OTOGL: variants seen among roughly 807,000 people sequenced by gnomAD.
OTOGL encodes otogelin like.
A neutral mutation model predicts 318.5 loss-of-function variants in OTOGL; 285 were observed. The ratio of observed to expected loss-of-function variants is 0.89; its 90% CI spans 0.81 to 0.99. The LOEUF (loss-of-function observed/expected upper bound fraction) is 0.99, where lower values mean the gene tolerates loss of function less well. OTOGL is among the 50% of genes least tolerant of loss of function. The probability of loss-of-function intolerance (pLI) is 0.00; values close to 1 mark genes in which losing one functional copy is unlikely to be tolerated. For missense variants in OTOGL, 2,899 were observed against 2,845.6 expected (o/e 1.02, Z -0.43); for synonymous variants, 987 against 936.5 (o/e 1.05, Z -0.99).
At chr12:80,371,095 A>T (rs1435756744) in intron 56 of OTOGL, among the ~76,000 whole-genome samples, 1 of 152,074 alleles carries the variant, frequency 6.6e-6, no homozygotes, top group African/African-American at 2.4e-5. Flanking sequence ...TGTTTGCCCT[A>T]GCTTTTCTGG....
intron 1 of OTOGL, among the ~76,000 whole-genome samples, chr12:80,149,625 A>T (rs1297309752): frequency 1.3e-5 from 2 of 151,942 alleles, no homozygotes; most frequent in Non-Finnish European, 2.9e-5. Context: ...TGCTTTGTTT[A>T]CCTAAGCAAG....
At chr12:80,324,367 G>A (rs750287765) in intron 35 of OTOGL, among the ~76,000 whole-genome samples, 3 of 152,098 alleles carry the variant, frequency 2.0e-5, no homozygotes, top group Admixed American at 6.5e-5. Context: ...TCTTGGAGTG[G>A]GAATGTGTTT....
chr12:80,336,042 T>C lies in OTOGL; in HGVS notation c.4502T>C (p.Leu1501Pro). Residue 1501 changes from leucine to proline, a missense_variant, in exon 39 of 59, where the codon CTT (leucine) becomes CCT (proline). Coordinates refer to ENST00000547103, the MANE Select transcript of OTOGL (RefSeq NM_001378609.3). ...NMEWQLYNWS[L>P]NCPKDVEMPD... is the part of the protein sequence containing the mutation. Reference sequence around the variant, plus strand: ...GAATGGCAGTTATACAACTGGTCCCTTAATTGCCCAAAGGACGTGGAAATG... The same window carrying C: ...GAATGGCAGTTATACAACTGGTCCCCTAATTGCCCAAAGGACGTGGAAATG... The C allele has an allele frequency of 1.3e-6, 2 of 1,598,828 alleles. No individual in the cohort carries two copies. Among genetic ancestry groups the C allele is most frequent in the South Asian group, 2.2e-5 (2 of 91,048 alleles).
At chr12:80,111,680 G>A (rs745552832) in intron 1 of OTOGL, among the ~76,000 whole-genome samples, 1 of 152,098 alleles carries the variant, frequency 6.6e-6, no homozygotes, top group East Asian at 1.9e-4. Flanking sequence ...GTCAGGTAGC[G>A]TGATGCCTCC....
chr12:80,265,211 G>A lies in OTOGL; in HGVS notation c.2224+1G>A. ...TTCAGAACTCAGATTTCTTTCTGTG[G>A]TGAGTACAATGGCACAGATAAAGAC... On this transcript the variant is annotated splice_donor_variant, in intron 20 of 58. Transcript: ENST00000547103. LOFTEE classifies it high-confidence loss of function. 3 of 1,611,352 alleles carry A rather than the reference G, an allele frequency of 1.9e-6. No individual in the cohort carries two copies. The highest frequency in any genetic ancestry group is 2.5e-6 in the Non-Finnish European group (3 of 1,178,100).
At chr12:80,126,780 T>C (rs1870871586) in intron 1 of OTOGL, among the ~76,000 whole-genome samples, 1 of 152,208 alleles carries the variant, frequency 6.6e-6, no homozygotes, top group Non-Finnish European at 1.5e-5. Context: ...AATTGATCCC[T>C]TTACCATTAT....
intron 1 of OTOGL, among the ~76,000 whole-genome samples, chr12:80,117,284 G>A (rs549130890): frequency 6.6e-6 from 1 of 152,098 alleles, no homozygotes; most frequent in African/African-American, 2.4e-5. Context: ...TATATAAAAT[G>A]GAACTCATCG....
chr12:80,329,697 T>A (rs999030209), intron 37 of OTOGL, among the ~76,000 whole-genome samples: 1 of 152,204 alleles, frequency 6.6e-6, no homozygotes, highest in African/African-American at 2.4e-5. Context: ...CCACTCACAG[T>A]GAGGCTCAAC....
chr12:80,250,617 C>A (rs530332047), intron 11 of OTOGL, among the ~76,000 whole-genome samples: 3 of 152,084 alleles, frequency 2.0e-5, no homozygotes, highest in African/African-American at 7.3e-5. Context: ...AGTTTATATG[C>A]TCAGTCCTTT....
intron 1 of OTOGL, among the ~76,000 whole-genome samples, chr12:80,206,010 T>C (rs75428495): frequency 7.4e-4 from 112 of 152,320 alleles, no homozygotes; most frequent in African/African-American, 2.6e-3. Flanking sequence ...TGTGCAGTGC[T>C]TTTGTAGCAG....
chr12:80,189,056 T>C (rs1875497884), intron 1 of OTOGL, among the ~76,000 whole-genome samples: 1 of 152,160 alleles, frequency 6.6e-6, no homozygotes, highest in Non-Finnish European at 1.5e-5. Flanking sequence ...TTTGTGTGAG[T>C]GCATAGGGAG....
intron 34 of OTOGL, 97 bp from the exon 35 acceptor site, chr12:80,323,626 G>A: frequency 1.1e-6 from 1 of 928,604 alleles, no homozygotes; most frequent in Non-Finnish European, 1.7e-6. Flanking sequence ...TCGAGCCTGA[G>A]TGACAGAGCG....
Position 80,222,109 on chromosome 12 carries a change from G to A in OTOGL, c.353G>A (p.Gly118Asp), listed in dbSNP as rs1878399364. ...TTTTCAGTCCCAAACATGGGCAACG[G>A]CAGAGATGGGATTTGTAAAACCTGG... ...RCQIIPNMGN[G>D]RDGICKTWGQ... Residue 118 changes from glycine to aspartate, a missense_variant, in exon 7 of 59, where the codon GGC (glycine) becomes GAC (aspartate). By Grantham distance (94) the Gly-to-Asp change is moderately conservative. Around this residue, in one of 3 missense-constraint regions of OTOGL, gnomAD observed 2,607 missense variants for 2,524.9 expected, o/e 1.03. Coordinates refer to ENST00000547103, the MANE Select transcript of OTOGL (RefSeq NM_001378609.3). 1.3e-6 allele frequency: 2 copies of A among 1,598,306 alleles called. No individual in the cohort carries two copies. Among genetic ancestry groups the A allele is most frequent in the Admixed American group, 1.7e-5 (1 of 59,896 alleles).
At chr12:80,170,197 GTGTGTGTGTGTGTGTGTATGTA>G (rs1364770650) in intron 1 of OTOGL, among the ~76,000 whole-genome samples, 2,165 of 118,834 alleles carry the variant, frequency 0.018, 42 homozygotes, top group African/African-American at 0.087. Context: ...GTGTGTGTGT[GTGTGTGTGTGTGTGTGTATGTA>G]TGTGTGTGTG....
intron 1 of OTOGL, among the ~76,000 whole-genome samples, chr12:80,120,182 A>G (rs1870406602): frequency 1.3e-5 from 2 of 152,026 alleles, no homozygotes; most frequent in Admixed American, 6.6e-5. Context: ...AGCTGGGGTG[A>G]TAGATTTCTA....
At chr12:80,297,009 A>G in intron 27 of OTOGL, 48 bp downstream of exon 27, 2 of 1,397,382 alleles carry the variant, frequency 1.4e-6, no homozygotes, top group Non-Finnish European at 1.9e-6. Flanking sequence ...TCCTGAGGAT[A>G]CTGAAAATAG....
intron 24 of OTOGL, among the ~76,000 whole-genome samples, chr12:80,274,804 C>T (rs1369273942): frequency 6.6e-6 from 1 of 151,892 alleles, no homozygotes; most frequent in Non-Finnish European, 1.5e-5. Flanking sequence ...TCCTAGGGCC[C>T]TTAAGAATTA....
chr12:80,253,709 A>C, intron 14 of OTOGL, 135 bp downstream of exon 14: 1 of 657,800 alleles, frequency 1.5e-6, no homozygotes, highest in East Asian at 2.8e-5. Flanking sequence ...CATTTTATTT[A>C]AACTCCTTGG....
Position 80,251,738 on chromosome 12 carries a change from T to C in OTOGL, c.1098T>C (p.Ala366=), listed in dbSNP as rs1881569203. ...ETYCRAATEY[A]RACSHAGYPI... ...ATTGCCGAGCAGCCACTGAGTATGC[T>C]AGAGCCTGCTCTCATGCTGGCTACC... The change falls in exon 12 of 59, where the codon GCT becomes GCC. Residue 366 remains alanine (A), a synonymous_variant. Coordinates refer to ENST00000547103, the MANE Select transcript of OTOGL (RefSeq NM_001378609.3). The C allele has an allele frequency of 6.3e-7, 1 of 1,595,452 alleles. No homozygotes were observed. Among genetic ancestry groups the C allele is most frequent in the Non-Finnish European group, 8.5e-7 (1 of 1,170,248 alleles).
Sources: gnomAD v4.1 joint callset for allele counts (sites outside exome capture counted in the v4.1 genomes callset) on GRCh38, gnomAD v4.1.1 for gene constraint, gnomAD v4.1.1 regional missense constraint, MANE v1.5 for transcripts, NCBI Gene and HGNC (gene_info 2026-07-23, HGNC 2026-07-21) for gene names.